The following ZFPM2 variants were observed in gnomAD, a reference collection of about 807,000 sequenced individuals.
ZFPM2 encodes the protein zinc finger protein, FOG family member 2.
ZFPM2 carries 20 observed loss-of-function variants against 98.6 expected under a neutral mutation model. That is an observed-to-expected ratio of 0.20 (90% confidence interval 0.14 to 0.29). The LOEUF is 0.29. Among genes scored for constraint, ZFPM2 ranks in the 10% least tolerant of loss-of-function variants. ZFPM2 has a pLI of 1.00. For missense variants in ZFPM2, 1,310 were observed against 1,388.6 expected (o/e 0.94, Z 0.90); for synonymous variants, 518 against 502.7 (o/e 1.03, Z -0.41).
chr8:105,567,240 G>A (rs909555489), intron 4 of ZFPM2, among the ~76,000 whole-genome samples: 1 of 152,142 alleles, frequency 6.6e-6, no homozygotes, highest in Non-Finnish European at 1.5e-5. Flanking sequence ...TATAGGCAAA[G>A]GCTGCTCAGT....
intron 3 of ZFPM2, among the ~76,000 whole-genome samples, chr8:105,556,483 A>C (rs1209583342): frequency 6.6e-6 from 1 of 152,172 alleles, no homozygotes; most frequent in Non-Finnish European, 1.5e-5. Flanking sequence ...CCCACTTTGC[A>C]TGCAGAAACT....
At chr8:105,633,816 T>C (rs945700007) in intron 4 of ZFPM2, among the ~76,000 whole-genome samples, 4 of 152,194 alleles carry the variant, frequency 2.6e-5, no homozygotes, top group Non-Finnish European at 5.9e-5. Flanking sequence ...GACAGAGCTT[T>C]GAAATGGATC....
chr8:105,353,170 G>A (rs965995721), intron 1 of ZFPM2, among the ~76,000 whole-genome samples: 1 of 151,814 alleles, frequency 6.6e-6, no homozygotes, highest in Admixed American at 6.6e-5. Context: ...TACTTTCTTG[G>A]GTATCAGAGG....
At chr8:105,705,240 A>G (rs1264010052) in intron 5 of ZFPM2, among the ~76,000 whole-genome samples, 1 of 152,128 alleles carries the variant, frequency 6.6e-6, no homozygotes, top group East Asian at 1.9e-4. Flanking sequence ...AGGGAATAAA[A>G]ATTTTTAATA....
chr8:105,799,715 T>C (rs1286738492), intron 7 of ZFPM2, among the ~76,000 whole-genome samples: 2 of 152,214 alleles, frequency 1.3e-5, no homozygotes, highest in African/African-American at 4.8e-5. Flanking sequence ...TTAAATAATT[T>C]TAGGTACATT....
At chr8:105,330,559 T>TATATATACAC (rs1812197822) in intron 1 of ZFPM2, among the ~76,000 whole-genome samples, 6 of 117,308 alleles carry the variant, frequency 5.1e-5, no homozygotes. Context: ...TATACATATA[T>TATATATACAC]ATATATATAC....
At chr8:105,346,567 T>C (rs1812540932) in intron 1 of ZFPM2, among the ~76,000 whole-genome samples, 1 of 152,198 alleles carries the variant, frequency 6.6e-6, no homozygotes, top group African/African-American at 2.4e-5. Context: ...CAATACATAT[T>C]ACTTCTGGAA....
chr8:105,388,359 A>G (rs1811043060), intron 1 of ZFPM2, among the ~76,000 whole-genome samples: 1 of 152,152 alleles, frequency 6.6e-6, no homozygotes, highest in African/African-American at 2.4e-5. Flanking sequence ...GGGAGAGAGA[A>G]AGAGGAGGGA....
At chr8:105,745,275 A>T (rs556412084) in intron 5 of ZFPM2, among the ~76,000 whole-genome samples, 29 of 152,230 alleles carry the variant, frequency 1.9e-4, no homozygotes, top group African/African-American at 7.0e-4. Context: ...ATGTTTGTTG[A>T]ATTGAATTGT....
At chr8:105,340,231 A>G (rs1812402055) in intron 1 of ZFPM2, among the ~76,000 whole-genome samples, 1 of 151,872 alleles carries the variant, frequency 6.6e-6, no homozygotes, top group African/African-American at 2.4e-5. Context: ...CACCTGTAAA[A>G]TGGGCCAGTA....
chr8:105,459,151 A>G (rs1254020380), intron 3 of ZFPM2, among the ~76,000 whole-genome samples: 18 of 152,090 alleles, frequency 1.2e-4, no homozygotes, highest in Admixed American at 1.2e-3. Flanking sequence ...ACAGCTCACT[A>G]TTCTCCCACC....
At chr8:105,473,876 A>G (rs1292778885) in intron 3 of ZFPM2, among the ~76,000 whole-genome samples, 1 of 152,252 alleles carries the variant, frequency 6.6e-6, no homozygotes. Flanking sequence ...GCACACATAC[A>G]TACACATGTG....
At chr8:105,670,706 T>C (rs1204281073) in intron 5 of ZFPM2, among the ~76,000 whole-genome samples, 1 of 152,134 alleles carries the variant, frequency 6.6e-6, no homozygotes, top group East Asian at 1.9e-4. Flanking sequence ...AAAATACATA[T>C]TGCTTGCTTT....
rs59943408 is a variant in ZFPM2, at chr8:105,764,287, G to GACACACAC, written c.533-24399_533-24392dup. 5.9e-3 allele frequency among the ~76,000 whole-genome samples: 821 copies of GACACACAC among 139,574 alleles called. 4 individuals are homozygous for GACACACAC. The highest frequency in any genetic ancestry group is 0.011 in the Middle Eastern group (3 of 262). 91.6% of individuals were successfully genotyped at this position (139,574 alleles called of 152,430 possible). A position where few individuals can be genotyped will look rare whatever the true frequency, so the allele number is the denominator to read the frequency against. On this transcript the variant is annotated intron_variant, in intron 5 of 7. Coordinates refer to ENST00000407775, the MANE Select transcript of ZFPM2 (RefSeq NM_012082.4). ...TCTCTCTTTCTCTCTCTCTCTCTCT[G>GACACACAC]ACACACACACACACACACACACACA...
At chr8:105,435,461 G>T (rs1331988141) in intron 2 of ZFPM2, among the ~76,000 whole-genome samples, 1 of 152,116 alleles carries the variant, frequency 6.6e-6, no homozygotes, top group Non-Finnish European at 1.5e-5. Context: ...TAAATGAATG[G>T]ATGTTAAATG....
chr8:105,490,009 G>T lies in ZFPM2; in HGVS notation c.301+45628G>T, dbSNP rs1813326908. Among the ~76,000 whole-genome samples, 3 of 152,082 alleles carry T rather than the reference G, an allele frequency of 2.0e-5. No individual in the cohort carries two copies. In the South Asian group the frequency reaches 6.2e-4, roughly 32 times the overall value. ...CACACCTGTAATCCTAGCACTTTGGGAGGCCAAGGTGGGTGGATCACGAGG... is the reference window on the plus strand; with the variant it reads ...CACACCTGTAATCCTAGCACTTTGGTAGGCCAAGGTGGGTGGATCACGAGG... On this transcript the variant is annotated intron_variant, in intron 3 of 7. Coordinates refer to ENST00000407775, the MANE Select transcript of ZFPM2 (RefSeq NM_012082.4).
At chr8:105,529,581 T>G (rs1407262776) in intron 3 of ZFPM2, among the ~76,000 whole-genome samples, 7 of 93,582 alleles carry the variant, frequency 7.5e-5, no homozygotes, top group Admixed American at 2.2e-4. Flanking sequence ...CTCTCAGCAT[T>G]TTTTTTTTTT....
In ZFPM2 at chr8:105,342,127, C is replaced by T. The variant is rs1470834324; in HGVS notation, c.40+23146C>T. On this transcript the variant is annotated intron_variant, in intron 1 of 7. Transcript: ENST00000407775. ...ACAGTACTCTTTGAAGACATCTCTA[C>T]ACTTAATAATGCCTTATTGCTCTCT... 2.6e-5 allele frequency among the ~76,000 whole-genome samples: 4 copies of T among 152,034 alleles called. No homozygotes were observed. In the East Asian group the frequency reaches 7.7e-4, roughly 29 times the overall value.
intron 1 of ZFPM2, among the ~76,000 whole-genome samples, chr8:105,395,045 A>G (rs2129955175): frequency 6.6e-6 from 1 of 152,290 alleles, no homozygotes; most frequent in African/African-American, 2.4e-5. Flanking sequence ...GGAAGGTAAG[A>G]CATCTTTAGT....
Sources: allele counts gnomAD v4.1 joint callset (sites outside exome capture counted in the v4.1 genomes callset), GRCh38; gene constraint gnomAD v4.1.1; transcripts MANE v1.5; gene names NCBI Gene and HGNC (gene_info 2026-07-23, HGNC 2026-07-21).